The following CELF2 variants were observed in gnomAD, a reference collection of about 807,000 sequenced individuals.
CELF2 encodes the protein CUG triplet repeat RNA-binding protein 2.
In CELF2, 8 loss-of-function variants were observed where a neutral mutation model predicts 62.6. That is an observed-to-expected ratio of 0.13 (90% CI 0.07 to 0.23). The LOEUF is 0.23. Among genes scored for constraint, CELF2 ranks in the 10% least tolerant of loss-of-function variants. The pLI, the probability that CELF2 is intolerant of heterozygous loss-of-function variation, is 1.00. For synonymous variants in CELF2, 258 were observed against 250.0 expected (o/e 1.03, Z -0.30); for missense variants, 333 against 671.0 (o/e 0.50, Z 5.56).
the CELF2 span, among the ~76,000 whole-genome samples, chr10:10,706,692 G>T: frequency 6.6e-6 from 1 of 152,206 alleles, no homozygotes; most frequent in Non-Finnish European, 1.5e-5. Context: ...AGAAAACTAA[G>T]ACTTGAAGAA....
At chr10:10,639,597 A>T in the CELF2 span, among the ~76,000 whole-genome samples, 1 of 152,194 alleles carries the variant, frequency 6.6e-6, no homozygotes, top group Non-Finnish European at 1.5e-5. Flanking sequence ...AATTGCCCTG[A>T]TATATATCTT....
At chr10:10,974,129 G>A (rs901314980) in intron 2 of CELF2, among the ~76,000 whole-genome samples, 9 of 152,176 alleles carry the variant, frequency 5.9e-5, no homozygotes, top group Admixed American at 3.9e-4. Flanking sequence ...ACTGAGTATA[G>A]AAATATCTAC....
At chr10:11,265,134 G>C (rs1337584632) in intron 5 of CELF2, among the ~76,000 whole-genome samples, 1 of 152,204 alleles carries the variant, frequency 6.6e-6, no homozygotes, top group African/African-American at 2.4e-5. Flanking sequence ...TATTCGTGCA[G>C]AGCAAAAGAA....
chr10:10,844,027 A>G (rs951217555), intron 1 of CELF2, among the ~76,000 whole-genome samples: 10 of 151,928 alleles, frequency 6.6e-5, no homozygotes, highest in African/African-American at 2.4e-4. Flanking sequence ...GACCTCCGGG[A>G]ATCTGTCCTA....
the CELF2 span, among the ~76,000 whole-genome samples, chr10:10,494,723 T>G: frequency 6.6e-6 from 1 of 152,170 alleles, no homozygotes; most frequent in African/African-American, 2.4e-5. Context: ...GTACCTGATC[T>G]TAGAGTTTCT....
chr10:10,681,148 A>G, the CELF2 span, among the ~76,000 whole-genome samples: 1 of 152,194 alleles, frequency 6.6e-6, no homozygotes, highest in Non-Finnish European at 1.5e-5. Flanking sequence ...AAGTACAGCA[A>G]TGAATTCAGC....
At chr10:10,810,294 C>A (rs2055720823) in intron 1 of CELF2, among the ~76,000 whole-genome samples, 1 of 152,130 alleles carries the variant, frequency 6.6e-6, no homozygotes, top group Non-Finnish European at 1.5e-5. Context: ...GTGTTTCTGG[C>A]AAATGGAGTA....
chr10:11,333,680 A>ATAGTT lies in CELF2; in HGVS notation c.*4629_*4633dup, dbSNP rs1347128475. The ATAGTT allele has an allele frequency of 1.3e-5, 2 of 152,658 alleles. No homozygotes were observed. Among genetic ancestry groups the ATAGTT allele is most frequent in the Non-Finnish European group, 2.9e-5 (2 of 68,038 alleles). 9.5% of individuals were successfully genotyped at this position (152,658 alleles called of 1,614,324 possible). A position where few individuals can be genotyped will look rare whatever the true frequency, so the allele number is the denominator to read the frequency against. ...TAATCATTTTGTTTAGAATTACAAAATAGTTTTTAAATATTGTCTGAGAAA... is the reference window on the plus strand; with the variant it reads ...TAATCATTTTGTTTAGAATTACAAAATAGTTTAGTTTTTAAATATTGTCTGAGAAA... On this transcript the variant is annotated 3_prime_UTR_variant, in exon 13 of 13. Coordinates refer to ENST00000633077, the MANE Select transcript of CELF2 (RefSeq NM_001326342.2).
intron 1 of CELF2, among the ~76,000 whole-genome samples, chr10:11,143,238 A>G (rs1596068120): frequency 6.6e-6 from 1 of 152,188 alleles, no homozygotes; most frequent in East Asian, 1.9e-4. Context: ...ACCAATTCTT[A>G]ATAGGCTTCT....
upstream of CELF2, among the ~76,000 whole-genome samples, chr10:10,793,847 A>T (rs1039902442): frequency 2.0e-5 from 3 of 152,250 alleles, no homozygotes; most frequent in Non-Finnish European, 4.4e-5. Flanking sequence ...TAAATAAAAA[A>T]TAATCACCAC....
chr10:10,675,262 G>A, the CELF2 span, among the ~76,000 whole-genome samples: 1 of 152,108 alleles, frequency 6.6e-6, no homozygotes, highest in Non-Finnish European at 1.5e-5. Context: ...GGGTATAGGA[G>A]TCTAGGTTGC....
intron 2 of CELF2, among the ~76,000 whole-genome samples, chr10:11,209,940 G>A (rs1245715175): frequency 6.6e-6 from 1 of 152,216 alleles, no homozygotes; most frequent in African/African-American, 2.4e-5. Flanking sequence ...CCCAGTTGCA[G>A]TTCGACTTGT....
chr10:10,857,601 T>C (rs1023983816), intron 1 of CELF2, among the ~76,000 whole-genome samples: 1 of 142,654 alleles, frequency 7.0e-6, no homozygotes, highest in African/African-American at 2.6e-5. Flanking sequence ...ATTGTAAAGA[T>C]GGTGAACTAT....
At chr10:10,789,189 C>G in the CELF2 span, among the ~76,000 whole-genome samples, 1 of 152,134 alleles carries the variant, frequency 6.6e-6, no homozygotes, top group Non-Finnish European at 1.5e-5. Flanking sequence ...TGGTTCCTCT[C>G]TGGGGACTAT....
chr10:10,733,963 C>A, the CELF2 span, among the ~76,000 whole-genome samples: 1 of 152,110 alleles, frequency 6.6e-6, no homozygotes, highest in Non-Finnish European at 1.5e-5. Context: ...AAAGTGAACA[C>A]CTCTTTAAAA....
At chr10:10,558,402 A>G in the CELF2 span, among the ~76,000 whole-genome samples, 1 of 152,044 alleles carries the variant, frequency 6.6e-6, no homozygotes, top group Non-Finnish European at 1.5e-5. Context: ...ATCATGGTGG[A>G]TAAGCTTTTT....
chr10:11,248,484 G>A (rs148452398), intron 3 of CELF2, among the ~76,000 whole-genome samples: 9 of 151,704 alleles, frequency 5.9e-5, no homozygotes, highest in East Asian at 3.9e-4. Flanking sequence ...CTCTTTGTTC[G>A]TATTCTGTAT....
intron 2 of CELF2, among the ~76,000 whole-genome samples, chr10:10,974,853 T>G (rs1331611701): frequency 6.6e-6 from 1 of 152,236 alleles, no homozygotes; most frequent in East Asian, 1.9e-4. Flanking sequence ...GGTGAACTTC[T>G]GTTTTTATCA....
chr10:10,553,294 C>G, the CELF2 span, among the ~76,000 whole-genome samples: 1 of 152,086 alleles, frequency 6.6e-6, no homozygotes, highest in Non-Finnish European at 1.5e-5. Flanking sequence ...GCCACCAAGT[C>G]CCTCCCATGA....
Sources: allele counts gnomAD v4.1 joint callset (sites outside exome capture counted in the v4.1 genomes callset), GRCh38; gene constraint gnomAD v4.1.1; transcripts MANE v1.5; gene names NCBI Gene and HGNC (gene_info 2026-07-23, HGNC 2026-07-21).